Variants in MID2 observed in about 807,000 individuals in gnomAD.
MID2 encodes the protein probable E3 ubiquitin-protein ligase MID2.
In MID2, 13 loss-of-function variants were observed where a neutral mutation model predicts 46.1. The observed-to-expected ratio is 0.28, with a 90% confidence interval of 0.18 to 0.45. MID2 has a LOEUF of 0.45. Among genes scored for constraint, MID2 ranks in the 20% least tolerant of loss-of-function variants. MID2 has a pLI of 1.00. For synonymous variants in MID2, 199 were observed against 212.3 expected (o/e 0.94, Z 0.55); for missense variants, 431 against 575.4 (o/e 0.75, Z 2.57).
At chrX:107,831,827 T>G (rs1486454391) in intron 1 of MID2, among the ~76,000 whole-genome samples, 1 of 112,197 alleles carries the variant, frequency 8.9e-6, no homozygotes, top group Non-Finnish European at 1.9e-5. Flanking sequence ...TAGTCATAGG[T>G]AAATTAAGTT....
intron 1 of MID2, among the ~76,000 whole-genome samples, chrX:107,836,910 ATAAGT>A (rs1363680277): frequency 8.9e-6 from 1 of 112,345 alleles, no homozygotes; most frequent in Non-Finnish European, 1.9e-5. Flanking sequence ...CAGAGCTGAA[ATAAGT>A]TAAGGTAGGT....
At chrX:107,905,984 A>G (rs1420081342) in intron 5 of MID2, among the ~76,000 whole-genome samples, 1 of 112,010 alleles carries the variant, frequency 8.9e-6, no homozygotes, top group East Asian at 2.8e-4. Flanking sequence ...TATTGCTTTC[A>G]TTTAGTTATT....
chrX:107,847,086 T>C (rs772117751), intron 2 of MID2, among the ~76,000 whole-genome samples: 8 of 112,590 alleles, frequency 7.1e-5, no homozygotes, highest in Non-Finnish European at 1.1e-4. Context: ...TAATGCCTTA[T>C]TCTTTGTCTC....
intron 3 of MID2, among the ~76,000 whole-genome samples, chrX:107,882,376 G>A (rs1326807903): frequency 9.0e-6 from 1 of 111,716 alleles, no homozygotes; most frequent in Non-Finnish European, 1.9e-5. Flanking sequence ...AAACTAAAGA[G>A]CTTCTGCACA....
chrX:107,857,570 C>T (rs1358800790), intron 3 of MID2, among the ~76,000 whole-genome samples: 1 of 111,772 alleles, frequency 8.9e-6, no homozygotes, highest in Admixed American at 9.5e-5. Context: ...CGTGAGCCAC[C>T]GGGCCCGGCC....
rs186203367 is a variant in MID2, at chrX:107,879,187, T to A, written c.816+24483T>A. 8.8e-4 allele frequency among the ~76,000 whole-genome samples: 98 copies of A among 111,956 alleles called. 2 individuals are homozygous for A. The East Asian group carries it at 0.025, about 29-fold the overall frequency. On this transcript the variant is annotated intron_variant, in intron 3 of 9. Transcript: ENST00000262843. Reference sequence around the variant, plus strand: ...TTCAGCTTTGCCATCCACATATGGCTTAAGTGTTAACAGCTCAGTGGAGGG... The same window carrying A: ...TTCAGCTTTGCCATCCACATATGGCATAAGTGTTAACAGCTCAGTGGAGGG...
intron 1 of MID2, among the ~76,000 whole-genome samples, chrX:107,834,137 A>T (rs751778703): frequency 9.0e-6 from 1 of 111,599 alleles, no homozygotes; most frequent in East Asian, 2.8e-4. Flanking sequence ...CTCCTTTTGT[A>T]TTTCTACCCA....
At chrX:107,876,030 C>G (rs1282689446) in intron 3 of MID2, among the ~76,000 whole-genome samples, 1 of 111,946 alleles carries the variant, frequency 8.9e-6, no homozygotes, top group African/African-American at 3.3e-5. Context: ...AGTCTGCCTT[C>G]CAGTGGTCCC....
chrX:107,895,541 G>A (rs948962316), intron 3 of MID2: 1 of 112,010 alleles, frequency 8.9e-6, no homozygotes, highest in Admixed American at 9.5e-5. Flanking sequence ...ATTCTACTAT[G>A]TGAATATTCT....
intron 2 of MID2, among the ~76,000 whole-genome samples, chrX:107,851,212 C>T (rs1931604461): frequency 9.0e-6 from 1 of 111,161 alleles, no homozygotes; most frequent in African/African-American, 3.3e-5. Context: ...ATTATATTCA[C>T]CTTATGGCCA....
chrX:107,910,630 G>A (rs1334194805), intron 5 of MID2, among the ~76,000 whole-genome samples: 1 of 103,092 alleles, frequency 9.7e-6, no homozygotes, highest in African/African-American at 3.5e-5. Flanking sequence ...AATGTATAAG[G>A]GTTCCCTTTT....
At chrX:107,905,754 C>A (rs936350471) in intron 5 of MID2, 128 bp downstream of exon 5, 2 of 542,482 alleles carry the variant, frequency 3.7e-6, no homozygotes, top group African/African-American at 4.7e-5. Context: ...AGTTATTGAG[C>A]CTCAGTGGTA....
chrX:107,913,898 C>T (rs940802224), intron 5 of MID2, among the ~76,000 whole-genome samples: 2 of 111,856 alleles, frequency 1.8e-5, no homozygotes, highest in Non-Finnish European at 3.8e-5. Context: ...TAAAATCCAA[C>T]GTTTGTAACG....
intron 8 of MID2, among the ~76,000 whole-genome samples, chrX:107,925,230 G>A (rs1285020696): frequency 2.7e-5 from 3 of 111,999 alleles, no homozygotes; most frequent in East Asian, 2.8e-4. Context: ...GTTCTTAGCC[G>A]CCCCTAGCAG....
chrX:107,924,466 G>A lies in MID2; in HGVS notation c.1559G>A (p.Gly520Asp). 8.3e-7 allele frequency: 1 copy of A among 1,211,558 alleles called. No homozygotes were observed. Among genetic ancestry groups the A allele is most frequent in the Non-Finnish European group, 1.1e-6 (1 of 895,309 alleles). Residue 520 changes from glycine (G) to aspartate (D), a missense_variant, in exon 8 of 10, where the codon GGC (glycine) becomes GAC (aspartate). Coordinates refer to ENST00000262843, the MANE Select transcript of MID2 (RefSeq NM_012216.4). ...ATCGTTAAAGCCATAAACCAAGCCG[G>A]CAGCCGGAACAGTGAACCTACCCGA... is the stretch of plus-strand genomic sequence containing the variant. ...IFIVKAINQAGSRNSEPTRLK... is the reference protein window; with the variant it reads ...IFIVKAINQADSRNSEPTRLK...
intron 2 of MID2, among the ~76,000 whole-genome samples, chrX:107,843,678 G>C (rs758698360): frequency 9.0e-6 from 1 of 111,339 alleles, no homozygotes; most frequent in African/African-American, 3.3e-5. Context: ...TGTTGCGGGG[G>C]TGGAGGGGTC....
Position 107,917,654 on chromosome X carries a change from G to C in MID2, c.1350G>C (p.Lys450Asn). 8.3e-7 allele frequency: 1 copy of C among 1,211,989 alleles called. No individual in the cohort carries two copies. Among genetic ancestry groups the C allele is most frequent in the Non-Finnish European group, 1.1e-6 (1 of 895,556 alleles). Reference sequence around the variant, plus strand: ...CTGGCCAGGCTAACTTCATCAGTAAGTCATGGTGTAGTTGGGGCCTGTGGC... The same window carrying C: ...CTGGCCAGGCTAACTTCATCAGTAACTCATGGTGTAGTTGGGGCCTGTGGC... ...IFTGQANFISKSWCSWGLWPE... is the reference protein window; with the variant it reads ...IFTGQANFISNSWCSWGLWPE... Residue 450 changes from lysine to asparagine, a missense_variant, in exon 7 of 10, where the codon AAG (lysine) becomes AAC (asparagine). Physicochemically the swap from Lys to Asn is moderately conservative, Grantham distance 94. Transcript: ENST00000262843.
chrX:107,905,478 G>A lies in MID2; in HGVS notation c.925G>A (p.Val309Ile), dbSNP rs755408036. ...MIAVKIKETK[V>I]MKLRKLAQQV... is the part of the protein sequence containing the mutation. ...TTTTTCTTTTACTAATTCCTTAAAG[G>A]TTATGAAACTGAGAAAGTTGGCACA... The change falls in exon 5 of 10, where the codon GTT becomes ATT. Residue 309 changes from valine to isoleucine, a missense_variant and splice_region_variant. Physicochemically the swap from Val to Ile is conservative, Grantham distance 29. Transcript: ENST00000262843. The A allele has an allele frequency of 8.3e-7, 1 of 1,198,866 alleles. No individual in the cohort carries two copies. The highest frequency in any genetic ancestry group is 1.1e-6 in the Non-Finnish European group (1 of 888,097).
At chrX:107,832,717 A>T (rs1262378120) in intron 1 of MID2, among the ~76,000 whole-genome samples, 1 of 111,833 alleles carries the variant, frequency 8.9e-6, no homozygotes, top group African/African-American at 3.3e-5. Context: ...GTATAAATTG[A>T]TATACAAATG....
Sources: gnomAD v4.1 joint callset for allele counts (sites outside exome capture counted in the v4.1 genomes callset) on GRCh38, gnomAD v4.1.1 for gene constraint, MANE v1.5 for transcripts, NCBI Gene and HGNC (gene_info 2026-07-23, HGNC 2026-07-21) for gene names.